Variants in STAB2 observed in about 807,000 individuals in gnomAD.
The protein encoded by STAB2 is stabilin-2.
A neutral mutation model predicts 338.1 loss-of-function variants in STAB2; 288 were observed. That is an observed-to-expected ratio of 0.85 (90% CI 0.77 to 0.94). The LOEUF (loss-of-function observed/expected upper bound fraction) is 0.94. STAB2 is among the 40% of genes least tolerant of loss of function. The probability of loss-of-function intolerance (pLI) is 0.00; values close to 1 mark genes in which losing one functional copy is unlikely to be tolerated. For missense variants in STAB2, 3,141 were observed against 3,210.1 expected (o/e 0.98, Z 0.52); for synonymous variants, 1,202 against 1,193.3 (o/e 1.01, Z -0.15).
chr12:103,755,781 G>A (rs7962758), intron 63 of STAB2, 63 bp downstream of exon 63: 1 of 1,504,472 alleles, frequency 6.6e-7, no homozygotes, highest in Non-Finnish European at 9.2e-7. Flanking sequence ...GCAGGTATTA[G>A]AGGGGTGAGG....
intron 39 of STAB2, among the ~76,000 whole-genome samples, chr12:103,709,332 G>T (rs1879640624): frequency 6.6e-6 from 1 of 152,230 alleles, no homozygotes; most frequent in Non-Finnish European, 1.5e-5. Context: ...GAAAAGGCAG[G>T]AGCAGTGGGC....
intron 38 of STAB2, 134 bp from the exon 39 acceptor site, chr12:103,708,307 G>A (rs1593264821): frequency 1.2e-6 from 1 of 818,928 alleles, no homozygotes; most frequent in East Asian, 2.6e-5. Context: ...TGTGATTCAA[G>A]ACCCCTGTTA....
rs1374632795 is a variant in STAB2, at chr12:103,590,921, C to A, written c.106C>A (p.Leu36Ile). 3 of 1,614,070 alleles carry A rather than the reference C, an allele frequency of 1.9e-6. No individual in the cohort carries two copies. The South Asian group carries it at 3.3e-5, about 18-fold the overall frequency. ...GQARRCDRKS[L>I]LTIRTECRSC... is the part of the protein sequence containing the mutation. ...GGCAAGAAGATGTGATAGGAAGTCT[C>A]TTCTTACAATTAGGACCGAGTGCCG... Residue 36 changes from leucine (L) to isoleucine (I), a missense_variant, in exon 2 of 69, where the codon CTT (leucine) becomes ATT (isoleucine). Coordinates refer to ENST00000388887, the MANE Select transcript of STAB2 (RefSeq NM_017564.10).
chr12:103,673,879 A>AT lies in STAB2; in HGVS notation c.2372-28_2372-27insT, dbSNP rs1426339509. 6 of 1,598,878 alleles carry AT rather than the reference A, an allele frequency of 3.8e-6. No homozygotes were observed. The African/African-American group carries it at 6.7e-5, about 18-fold the overall frequency. On this transcript the variant is annotated intron_variant, in intron 22 of 68. Transcript: ENST00000388887. ...TGCTTGGCTTGTCCCCAAGGCCTGG[A>AT]CGGATGTCCCTCCTCCTCCTCTTTC...
chr12:103,703,275 G>A lies in STAB2; in HGVS notation c.3842G>A (p.Arg1281Gln), dbSNP rs958685146. ...GATAATAATGACACTACTATTATACGAGTAAGTTCTATGGGCCAGAGCCAG... is the reference window on the plus strand; with the variant it reads ...GATAATAATGACACTACTATTATACAAGTAAGTTCTATGGGCCAGAGCCAG... ...RCDNNDTTII[R>Q]GRCRTCSSEL... The change falls in exon 35 of 69, where the codon CGA becomes CAA. Residue 1281 changes from arginine (R) to glutamine (Q), a missense_variant and splice_region_variant. Coordinates refer to ENST00000388887, the MANE Select transcript of STAB2 (RefSeq NM_017564.10). The A allele has an allele frequency of 2.1e-5, 34 of 1,611,820 alleles. No individual in the cohort carries two copies. Among genetic ancestry groups the A allele is most frequent in the African/African-American group, 9.3e-5 (7 of 74,916 alleles).
intron 41 of STAB2, among the ~76,000 whole-genome samples, chr12:103,712,929 CT>C (rs1880000695): frequency 6.6e-6 from 1 of 152,158 alleles, no homozygotes; most frequent in Non-Finnish European, 1.5e-5. Context: ...GTAAAGTAAA[CT>C]TAAAACTACC....
chr12:103,609,764 C>G (rs1808091935), intron 3 of STAB2, among the ~76,000 whole-genome samples: 1 of 152,078 alleles, frequency 6.6e-6, no homozygotes, highest in African/African-American at 2.4e-5. Flanking sequence ...CTGTCTTGTG[C>G]CAGTTTTCAA....
At chr12:103,663,973 TC>T (rs1265653164) in intron 18 of STAB2, among the ~76,000 whole-genome samples, 2 of 152,176 alleles carry the variant, frequency 1.3e-5, no homozygotes, top group Non-Finnish European at 2.9e-5. Flanking sequence ...AAATAGAATT[TC>T]TTCTCAGGTA....
At chr12:103,643,478 C>T (rs1163354701) in intron 9 of STAB2, among the ~76,000 whole-genome samples, 4 of 152,106 alleles carry the variant, frequency 2.6e-5, no homozygotes, top group Non-Finnish European at 4.4e-5. Flanking sequence ...TAAGTATCTC[C>T]ACCTCTAGGA....
intron 5 of STAB2, among the ~76,000 whole-genome samples, chr12:103,624,008 C>T (rs553965790): frequency 1.1e-4 from 16 of 152,310 alleles, no homozygotes; most frequent in African/African-American, 3.8e-4. Context: ...TATTGGGTAG[C>T]TTTTTGCCAA....
chr12:103,738,560 A>C (rs1370248980), intron 53 of STAB2, among the ~76,000 whole-genome samples: 1 of 152,174 alleles, frequency 6.6e-6, no homozygotes, highest in African/African-American at 2.4e-5. Context: ...TAACTATCCC[A>C]AATTTTTTGG....
chr12:103,757,530 G>A (rs1268996326), intron 63 of STAB2, among the ~76,000 whole-genome samples: 2 of 152,260 alleles, frequency 1.3e-5, no homozygotes, highest in African/African-American at 4.8e-5. Context: ...GTGGAGCAGG[G>A]CTTGGGGGGC....
chr12:103,632,726 C>G (rs78038377), intron 6 of STAB2, among the ~76,000 whole-genome samples: 2,230 of 152,238 alleles, frequency 0.015, 15 homozygotes, highest in Middle Eastern at 0.051. Context: ...CAGCAGCACA[C>G]TGCACCCTGG....
intron 3 of STAB2, among the ~76,000 whole-genome samples, chr12:103,612,324 A>G (rs1468017810): frequency 6.6e-6 from 1 of 152,188 alleles, no homozygotes; most frequent in Non-Finnish European, 1.5e-5. Flanking sequence ...AGGTACACCA[A>G]TCAGACGTAG....
In STAB2 at chr12:103,766,511, C is replaced by CACAG; in HGVS notation, c.*175_*176insACAG. ...TGTGGGTGAGAGATGTGTTGCTGTG[C>CACAG]CCACCCAGTACAGCTTCCTCCTCTG... On this transcript the variant is annotated 3_prime_UTR_variant, in exon 69 of 69. Transcript: ENST00000388887. The CACAG allele has an allele frequency of 1.5e-6, 1 of 680,910 alleles. No individual in the cohort carries two copies. Among genetic ancestry groups the CACAG allele is most frequent in the Non-Finnish European group, 2.4e-6 (1 of 412,754 alleles). The allele number at this position is 680,910 out of a possible 1,614,324, so 42.2% of individuals were successfully genotyped here. A position where few individuals can be genotyped will look rare whatever the true frequency, so the allele number is the denominator to read the frequency against.
chr12:103,729,137 G>A, intron 48 of STAB2, 142 bp downstream of exon 48: 2 of 755,652 alleles, frequency 2.6e-6, no homozygotes, highest in Non-Finnish European at 4.3e-6. Flanking sequence ...TTACAAGTGG[G>A]AGCTAAATAA....
intron 52 of STAB2, among the ~76,000 whole-genome samples, chr12:103,735,970 T>G (rs956905869): frequency 6.6e-6 from 1 of 152,170 alleles, no homozygotes; most frequent in Admixed American, 6.5e-5. Context: ...CTCTTGTCAG[T>G]CAGGGCCAGC....
intron 15 of STAB2, among the ~76,000 whole-genome samples, chr12:103,658,791 G>A (rs1874382548): frequency 6.6e-6 from 1 of 152,132 alleles, no homozygotes; most frequent in African/African-American, 2.4e-5. Flanking sequence ...GCACTTGCTG[G>A]GGACATGGTG....
Position 103,655,571 on chromosome 12 carries a change from T to C in STAB2, c.1724T>C (p.Leu575Pro). Residue 575 changes from leucine to proline, a missense_variant, in exon 15 of 69, where the codon CTT (leucine) becomes CCT (proline). By Grantham distance (98) the Leu-to-Pro change is moderately conservative (BLOSUM62 -3). Coordinates refer to ENST00000388887, the MANE Select transcript of STAB2 (RefSeq NM_017564.10). ...AAGGACGGCACTCTCGATTACCTCC[T>C]TTCTCCAGAGGTACCGTATTCTGCT... ...NMKDGTLDYL[L>P]SPEGSRKLLE... The C allele has an allele frequency of 2.5e-6, 4 of 1,613,890 alleles. No individual in the cohort carries two copies. Among genetic ancestry groups the C allele is most frequent in the Non-Finnish European group, 3.4e-6 (4 of 1,179,968 alleles).
Sources: gnomAD v4.1 joint callset for allele counts (sites outside exome capture counted in the v4.1 genomes callset) on GRCh38, gnomAD v4.1.1 for gene constraint, MANE v1.5 for transcripts, NCBI Gene and HGNC (gene_info 2026-07-23, HGNC 2026-07-21) for gene names.